Variants in ASTN2 observed in about 807,000 individuals in gnomAD.
ASTN2 encodes the protein astrotactin-2.
In ASTN2, 54 loss-of-function variants were observed where a neutral mutation model predicts 139.8. The ratio of observed to expected loss-of-function variants is 0.39; its 90% confidence interval spans 0.31 to 0.48. The LOEUF is 0.48. Ranked by LOEUF, ASTN2 falls within the 20% of genes least tolerant of loss-of-function variation. The probability of loss-of-function intolerance (pLI) is 0.95; values close to 1 mark genes in which losing one functional copy is unlikely to be tolerated. For missense variants in ASTN2, 1,565 were observed against 1,725.1 expected (o/e 0.91, Z 1.64); for synonymous variants, 756 against 719.5 (o/e 1.05, Z -0.81).
chr9:116,432,005 T>C (rs77756988), intron 22 of ASTN2, among the ~76,000 whole-genome samples: 43 of 152,060 alleles, frequency 2.8e-4, no homozygotes, highest in African/African-American at 9.6e-4. Context: ...TTAAATCAAG[T>C]ATGTTTTAGA....
rs144292036 is a variant in ASTN2 at position 117,366,628 on chromosome 9, C to T, written c.442+47869G>A. On this transcript the variant is annotated intron_variant, in intron 1 of 22. Coordinates refer to ENST00000313400, the MANE Select transcript of ASTN2 (RefSeq NM_001365068.1). ...AGTACCCAATTTTTCCTGCATCTTCCTGATTAGACTCCTGAGCCATCTCAT... is the reference window on the plus strand; with the variant it reads ...AGTACCCAATTTTTCCTGCATCTTCTTGATTAGACTCCTGAGCCATCTCAT... 2.4e-3 allele frequency among the ~76,000 whole-genome samples: 359 copies of T among 152,208 alleles called. 2 individuals are homozygous for T. Among genetic ancestry groups the T allele is most frequent in the African/African-American group, 8.2e-3 (340 of 41,542 alleles).
chr9:116,433,590 CAAAAT>C, intron 22 of ASTN2, among the ~76,000 whole-genome samples: 1 of 152,084 alleles, frequency 6.6e-6, no homozygotes, highest in South Asian at 2.1e-4. Flanking sequence ...TATTTCAGAA[CAAAAT>C]AAAATAAAGG....
intron 17 of ASTN2, among the ~76,000 whole-genome samples, chr9:116,625,612 A>G (rs1221799756): frequency 1.4e-5 from 2 of 145,330 alleles, no homozygotes; most frequent in East Asian, 2.1e-4. Context: ...AATGTTCCAC[A>G]CTTTCTGGTT....
At chr9:116,513,650 A>G (rs1327754423) in intron 19 of ASTN2, among the ~76,000 whole-genome samples, 5 of 152,098 alleles carry the variant, frequency 3.3e-5, no homozygotes, top group African/African-American at 9.7e-5. Flanking sequence ...TCAGACGTAG[A>G]TTTGGTCTTT....
chr9:117,298,474 C>A (rs1192085034), intron 1 of ASTN2, among the ~76,000 whole-genome samples: 1 of 151,972 alleles, frequency 6.6e-6, no homozygotes, highest in Non-Finnish European at 1.5e-5. Context: ...CCCCCATCTA[C>A]CAAATGAGGA....
At chr9:116,842,583 C>T (rs1832294181) in intron 11 of ASTN2, among the ~76,000 whole-genome samples, 1 of 152,046 alleles carries the variant, frequency 6.6e-6, no homozygotes, top group South Asian at 2.1e-4. Flanking sequence ...CTCAATCTGT[C>T]AACCAGGCCA....
At chr9:116,536,883 T>C (rs2119324683) in intron 19 of ASTN2, among the ~76,000 whole-genome samples, 1 of 152,340 alleles carries the variant, frequency 6.6e-6, no homozygotes, top group East Asian at 1.9e-4. Flanking sequence ...TCTTCAAAGC[T>C]GTCAGACAGG....
chr9:116,752,235 GTT>G (rs1829420163), intron 13 of ASTN2, among the ~76,000 whole-genome samples: 1 of 152,180 alleles, frequency 6.6e-6, no homozygotes, highest in Non-Finnish European at 1.5e-5. Flanking sequence ...AGCAAAGGCA[GTT>G]CAGTGGAGAA....
intron 10 of ASTN2, among the ~76,000 whole-genome samples, chr9:116,932,021 T>G (rs1588421216): frequency 6.6e-6 from 1 of 150,532 alleles, no homozygotes; most frequent in African/African-American, 2.4e-5. Flanking sequence ...GAATGAGGGG[T>G]GGTAGGGGGA....
intron 19 of ASTN2, among the ~76,000 whole-genome samples, chr9:116,615,826 T>C (rs1007687549): frequency 4.6e-5 from 7 of 151,992 alleles, no homozygotes; most frequent in African/African-American, 1.5e-4. Context: ...TATACATATG[T>C]AAAAAACCTG....
chr9:116,574,794 T>C (rs1853659137), intron 19 of ASTN2, among the ~76,000 whole-genome samples: 1 of 152,202 alleles, frequency 6.6e-6, no homozygotes, highest in Admixed American at 6.5e-5. Flanking sequence ...CAGGGCAACA[T>C]CTCTGCTATT....
chr9:116,648,623 G>C (rs1857733195), intron 17 of ASTN2, among the ~76,000 whole-genome samples: 1 of 152,166 alleles, frequency 6.6e-6, no homozygotes, highest in South Asian at 2.1e-4. Context: ...TTCAGTTTAG[G>C]ACTGAAGCTC....
intron 3 of ASTN2, among the ~76,000 whole-genome samples, chr9:117,179,345 G>A (rs1293890495): frequency 6.6e-6 from 1 of 152,064 alleles, no homozygotes; most frequent in African/African-American, 2.4e-5. Flanking sequence ...ATATATATGT[G>A]TGTGTGTGTA....
intron 19 of ASTN2, among the ~76,000 whole-genome samples, chr9:116,599,165 T>C (rs1233732859): frequency 6.6e-6 from 1 of 152,196 alleles, no homozygotes; most frequent in Non-Finnish European, 1.5e-5. Context: ...GGAAAGCTGC[T>C]AGTCAACTCT....
rs113652273 is a variant in ASTN2 at position 116,674,670 on chromosome 9, G to A, written c.2807-22877C>T. Reference sequence around the variant, plus strand: ...CCCCTGGCCTTCCAAGAAGGTTTGTGTCTATCTCCTATAACTATATCTTTA... The same window carrying A: ...CCCCTGGCCTTCCAAGAAGGTTTGTATCTATCTCCTATAACTATATCTTTA... On this transcript the variant is annotated intron_variant, in intron 16 of 22. Coordinates refer to ENST00000313400, the MANE Select transcript of ASTN2 (RefSeq NM_001365068.1). 4.9e-3 allele frequency among the ~76,000 whole-genome samples: 746 copies of A among 152,284 alleles called. 5 individuals are homozygous for A. Among genetic ancestry groups the A allele is most frequent in the African/African-American group, 0.017 (724 of 41,548 alleles).
chr9:117,319,247 C>G (rs1378640327), intron 1 of ASTN2, among the ~76,000 whole-genome samples: 1 of 152,156 alleles, frequency 6.6e-6, no homozygotes, highest in Non-Finnish European at 1.5e-5. Context: ...ATGCTCACCT[C>G]TATTTTAGTC....
rs548457815 is a variant in ASTN2, at chr9:116,494,511, C to CA, written c.3356-7012dup. On this transcript the variant is annotated intron_variant, in intron 19 of 22. Coordinates refer to ENST00000313400, the MANE Select transcript of ASTN2 (RefSeq NM_001365068.1). ...TCCCTAAAACCTTCCTGTTTTTTTG[C>CA]AAAAAGAAGACATTTTGAATGGAAG... Among the ~76,000 whole-genome samples, 677 of 150,908 alleles carry CA rather than the reference C, an allele frequency of 4.5e-3. 2 individuals carry two copies. Among genetic ancestry groups the CA allele is most frequent in the Admixed American group, 0.01 (159 of 15,170 alleles).
At chr9:116,828,102 C>T (rs932253613) in intron 11 of ASTN2, among the ~76,000 whole-genome samples, 1 of 152,122 alleles carries the variant, frequency 6.6e-6, no homozygotes, top group Non-Finnish European at 1.5e-5. Context: ...TGAGACCAGC[C>T]TGGCCAGCAT....
intron 1 of ASTN2, among the ~76,000 whole-genome samples, chr9:117,357,781 T>G (rs1829582762): frequency 6.6e-6 from 1 of 152,154 alleles, no homozygotes; most frequent in East Asian, 1.9e-4. Flanking sequence ...GAATGAAAAT[T>G]TACAAACGTT....
Sources: gnomAD v4.1 joint callset for allele counts (sites outside exome capture counted in the v4.1 genomes callset) on GRCh38, gnomAD v4.1.1 for gene constraint, MANE v1.5 for transcripts, NCBI Gene and HGNC (gene_info 2026-07-23, HGNC 2026-07-21) for gene names.